The following GPC6 variants were observed in gnomAD, a reference collection of about 807,000 sequenced individuals.
GPC6 encodes glypican-6.
GPC6 carries 14 observed loss-of-function variants against 55.2 expected under a neutral mutation model. The observed-to-expected ratio is 0.25, with a 90% CI of 0.17 to 0.40. The LOEUF (loss-of-function observed/expected upper bound fraction) is 0.40. Ranked by LOEUF, GPC6 falls within the 10% of genes least tolerant of loss-of-function variation. GPC6 has a pLI of 1.00. For synonymous variants in GPC6, 278 were observed against 259.6 expected (o/e 1.07, Z -0.68); for missense variants, 641 against 708.5 (o/e 0.90, Z 1.08).
intron 1 of GPC6, among the ~76,000 whole-genome samples, chr13:93,464,777 C>A (rs2139319579): frequency 6.6e-6 from 1 of 152,286 alleles, no homozygotes; most frequent in African/African-American, 2.4e-5. Context: ...AATGGTGAAT[C>A]ATTTCCAGGA....
chr13:93,690,720 C>T (rs573215486), intron 2 of GPC6, among the ~76,000 whole-genome samples: 1 of 152,122 alleles, frequency 6.6e-6, no homozygotes, highest in South Asian at 2.1e-4. Context: ...GGTTGCCCAC[C>T]ACCTCCACCC....
chr13:93,385,729 C>A (rs1326236129), intron 1 of GPC6, among the ~76,000 whole-genome samples: 1 of 152,102 alleles, frequency 6.6e-6, no homozygotes, highest in East Asian at 1.9e-4. Flanking sequence ...GCTTTCTCCC[C>A]AGATTTTGTT....
intron 2 of GPC6, among the ~76,000 whole-genome samples, chr13:93,738,614 A>G (rs1159239530): frequency 2.0e-5 from 3 of 152,170 alleles, no homozygotes; most frequent in Non-Finnish European, 4.4e-5. Context: ...AATAGTCAAC[A>G]CTTCCATCAC....
chr13:93,332,366 C>G (rs1879885131), intron 1 of GPC6, among the ~76,000 whole-genome samples: 1 of 151,560 alleles, frequency 6.6e-6, no homozygotes, highest in Admixed American at 6.6e-5. Flanking sequence ...CCTCTGCTCC[C>G]TTGCCAGTGT....
intron 1 of GPC6, among the ~76,000 whole-genome samples, chr13:93,438,304 A>G (rs1391743304): frequency 1.3e-5 from 2 of 152,182 alleles, no homozygotes; most frequent in Non-Finnish European, 2.9e-5. Flanking sequence ...TTAGAAATAC[A>G]TGTCATAAAG....
chr13:94,062,344 G>A (rs979810111), intron 4 of GPC6, among the ~76,000 whole-genome samples: 3 of 151,910 alleles, frequency 2.0e-5, no homozygotes, highest in Non-Finnish European at 2.9e-5. Context: ...CTCTGCCTCC[G>A]GTTTCAAGCA....
intron 1 of GPC6, among the ~76,000 whole-genome samples, chr13:93,233,031 A>G (rs1876114711): frequency 6.6e-6 from 1 of 152,194 alleles, no homozygotes; most frequent in African/African-American, 2.4e-5. Flanking sequence ...GTGATTTAAT[A>G]TTCTTTTAAA....
At chr13:93,459,179 C>G (rs933974978) in intron 1 of GPC6, among the ~76,000 whole-genome samples, 8 of 152,316 alleles carry the variant, frequency 5.3e-5, no homozygotes, top group African/African-American at 1.9e-4. Context: ...CCGCTTCTAC[C>G]TTCTCAGTAG....
intron 2 of GPC6, among the ~76,000 whole-genome samples, chr13:93,778,624 T>C (rs1308299638): frequency 6.6e-6 from 1 of 152,184 alleles, no homozygotes; most frequent in East Asian, 1.9e-4. Flanking sequence ...ACTTTCACCA[T>C]TCTTGCACCT....
At chr13:93,688,861 C>T (rs566670377) in intron 2 of GPC6, among the ~76,000 whole-genome samples, 2 of 152,022 alleles carry the variant, frequency 1.3e-5, no homozygotes, top group African/African-American at 4.8e-5. Context: ...GGTTACACAA[C>T]ATTGTGAATA....
intron 3 of GPC6, among the ~76,000 whole-genome samples, chr13:93,869,565 A>G (rs1458881651): frequency 6.6e-6 from 1 of 151,904 alleles, no homozygotes; most frequent in Non-Finnish European, 1.5e-5. Context: ...ATGCTTCATA[A>G]GGAGTTCACC....
At position 93,764,620 on chromosome 13, in the gene GPC6, C is replaced by G. The variant is rs1205557446; in HGVS notation, c.320-65534C>G. ...CACACACACACACACACCACACACA[C>G]TCACAAAGGCCACCTATAACCATAT... On this transcript the variant is annotated intron_variant, in intron 2 of 8. Transcript: ENST00000377047. Among the ~76,000 whole-genome samples, 7 of 150,970 alleles carry G rather than the reference C, an allele frequency of 4.6e-5. No homozygotes were observed. In the South Asian group the frequency reaches 1.0e-3, roughly 23 times the overall value.
intron 1 of GPC6, among the ~76,000 whole-genome samples, chr13:93,530,597 A>G (rs932524377): frequency 1.3e-5 from 2 of 152,152 alleles, no homozygotes; most frequent in East Asian, 1.9e-4. Context: ...GAACCGGCGC[A>G]TATTGGTTTG....
intron 2 of GPC6, among the ~76,000 whole-genome samples, chr13:93,754,613 T>G (rs1446331638): frequency 6.6e-6 from 1 of 151,612 alleles, no homozygotes; most frequent in Non-Finnish European, 1.5e-5. Flanking sequence ...AGAATCAGAG[T>G]ACCAGTAAGT....
intron 1 of GPC6, among the ~76,000 whole-genome samples, chr13:93,248,018 A>G (rs556067683): frequency 6.6e-6 from 1 of 152,330 alleles, no homozygotes; most frequent in South Asian, 2.1e-4. Flanking sequence ...TGAATCAGTT[A>G]CTCGGCCTGG....
chr13:94,059,254 G>A (rs549974187), intron 4 of GPC6, among the ~76,000 whole-genome samples: 23 of 151,652 alleles, frequency 1.5e-4, no homozygotes, highest in Non-Finnish European at 2.9e-4. Context: ...TGTTATTTAG[G>A]CAAAAATAAC....
chr13:93,504,499 T>TTTC (rs397936888), intron 1 of GPC6, among the ~76,000 whole-genome samples: 1 of 151,004 alleles, frequency 6.6e-6, no homozygotes, highest in Non-Finnish European at 1.5e-5. Context: ...TTTTTTTTTT[T>TTTC]CTGCTTTCCC....
intron 1 of GPC6, among the ~76,000 whole-genome samples, chr13:93,412,013 AAT>A (rs1491073722): frequency 8.6e-5 from 13 of 151,214 alleles, no homozygotes; most frequent in African/African-American, 2.7e-4. Flanking sequence ...AAAAAAAAAA[AAT>A]AAATAAAATA....
chr13:93,305,436 G>A (rs1449987742), intron 1 of GPC6, among the ~76,000 whole-genome samples: 1 of 152,092 alleles, frequency 6.6e-6, no homozygotes, highest in African/African-American at 2.4e-5. Flanking sequence ...TGATTATTGT[G>A]AGGCAGGTGC....
Sources: allele counts gnomAD v4.1 joint callset (sites outside exome capture counted in the v4.1 genomes callset), GRCh38; gene constraint gnomAD v4.1.1; transcripts MANE v1.5; gene names NCBI Gene and HGNC (gene_info 2026-07-23, HGNC 2026-07-21).